The following ZNF143 variants were observed in gnomAD, a reference collection of about 807,000 sequenced individuals.
ZNF143 encodes SPH-binding factor.
ZNF143 carries 49 observed loss-of-function variants against 74.1 expected under a neutral mutation model. That is an observed-to-expected ratio of 0.66 (90% confidence interval 0.53 to 0.84). The LOEUF (loss-of-function observed/expected upper bound fraction) is 0.84. ZNF143 is among the 40% of genes least tolerant of loss of function. ZNF143 has a pLI of 0.00. For synonymous variants in ZNF143, 304 were observed against 282.8 expected, an observed-to-expected ratio of 1.07 and a Z score of -0.75; for missense variants, 637 against 793.4, an observed-to-expected ratio of 0.80 and a Z score of 2.37.
At position 9,528,338 on chromosome 11, in the gene ZNF143, A is replaced by C. The variant is rs1424831547; in HGVS notation, c.*725A>C. The C allele has an allele frequency of 6.6e-6, 1 of 152,216 alleles. No individual in the cohort carries two copies. The highest frequency in any genetic ancestry group is 6.5e-5 in the Admixed American group (1 of 15,278). The allele number at this position is 152,216 out of a possible 1,614,324, so 9.4% of individuals were successfully genotyped here. A position where few individuals can be genotyped will look rare whatever the true frequency, so the allele number is the denominator to read the frequency against. Reference sequence around the variant, plus strand: ...TATTACTGTTTTTTAAAAATAATGAATCATCAAAGTTTAACCACAGGCTGG... The same window carrying C: ...TATTACTGTTTTTTAAAAATAATGACTCATCAAAGTTTAACCACAGGCTGG... On this transcript the variant is annotated 3_prime_UTR_variant, in exon 16 of 16. Coordinates refer to ENST00000396602, the MANE Select transcript of ZNF143 (RefSeq NM_003442.6).
At chr11:9,473,650 C>G in intron 3 of ZNF143, 1 of 637,864 alleles carries the variant, frequency 1.6e-6, no homozygotes, top group Admixed American at 2.9e-5. Context: ...CTAAGTGACT[C>G]TGAAAGGTAT....
At chr11:9,488,255 A>T (rs1168260770) in intron 7 of ZNF143, among the ~76,000 whole-genome samples, 2 of 152,196 alleles carry the variant, frequency 1.3e-5, no homozygotes, top group African/African-American at 4.8e-5. Flanking sequence ...GTCTTGAAAA[A>T]AATTAATTAA....
chr11:9,461,556 C>T (rs1855847264), intron 1 of ZNF143: 1 of 152,160 alleles, frequency 6.6e-6, no homozygotes, highest in Non-Finnish European at 1.5e-5. Context: ...TGGCCCAGGC[C>T]CTCCCAGGAC....
rs1211978029 is a variant in ZNF143, at chr11:9,482,276, CTTTTT to C, written c.645+2738_645+2742del. On this transcript the variant is annotated intron_variant, in intron 7 of 15. Transcript: ENST00000396602. ...TGAGCTACTGTACCCGGCCCCAACT[CTTTTT>C]TTTTTTTAAGACGGTGTCTCGCTCT... 2.1e-5 allele frequency among the ~76,000 whole-genome samples: 2 copies of C among 93,400 alleles called. 1 individual carries two copies. Among genetic ancestry groups the C allele is most frequent in the East Asian group, 6.8e-4 (2 of 2,958 alleles). 61.3% of individuals were successfully genotyped at this position (93,400 alleles called of 152,430 possible).
intron 1 of ZNF143, among the ~76,000 whole-genome samples, chr11:9,462,819 G>T (rs551577358): frequency 1.3e-5 from 2 of 152,264 alleles, no homozygotes; most frequent in African/African-American, 4.8e-5. Context: ...AGGTTGCAGT[G>T]AGCCGAGATT....
At chr11:9,525,551 A>T in intron 15 of ZNF143, 165 bp downstream of exon 15, 1 of 889,538 alleles carries the variant, frequency 1.1e-6, no homozygotes, top group Non-Finnish European at 1.8e-6. Flanking sequence ...TGGACTCAAA[A>T]AGACCAGCAC....
At chr11:9,463,172 C>G (rs1855976551) in intron 1 of ZNF143, among the ~76,000 whole-genome samples, 1 of 152,198 alleles carries the variant, frequency 6.6e-6, no homozygotes, top group Non-Finnish European at 1.5e-5. Context: ...TTTTACTTAT[C>G]CATTCATCTG....
intron 14 of ZNF143, among the ~76,000 whole-genome samples, chr11:9,523,742 T>TATA (rs919612586): frequency 1.3e-5 from 2 of 149,200 alleles, no homozygotes; most frequent in Non-Finnish European, 3.0e-5. Context: ...TCAAAAAATA[T>TATA]ATAATAATAA....
chr11:9,472,360 C>G (rs957489306), intron 2 of ZNF143, among the ~76,000 whole-genome samples: 2 of 152,164 alleles, frequency 1.3e-5, no homozygotes, highest in African/African-American at 4.8e-5. Context: ...TCAAGCGATT[C>G]TTCTGCCTCA....
intron 8 of ZNF143, among the ~76,000 whole-genome samples, 164 bp from the exon 9 acceptor site, chr11:9,496,139 A>T (rs1244598340): frequency 6.6e-6 from 1 of 152,226 alleles, no homozygotes; most frequent in Non-Finnish European, 1.5e-5. Context: ...TTAGGTCTAT[A>T]TTGAGAACTA....
rs535187206 is a variant in ZNF143 at position 9,514,162 on chromosome 11, C to T, written c.1524+1566C>T. 8.5e-5 allele frequency among the ~76,000 whole-genome samples: 13 copies of T among 152,286 alleles called. No homozygotes were observed. The South Asian group carries it at 2.1e-3, about 24-fold the overall frequency. ...ATCCTCCTGCGTCAGCCTCCCAGAG[C>T]GCTGGGATTTCAGGCATAAGCCACC... On this transcript the variant is annotated intron_variant, in intron 13 of 15. Transcript: ENST00000396602.
chr11:9,486,341 TTATATA>T (rs1291569303), intron 7 of ZNF143, among the ~76,000 whole-genome samples: 1 of 82,960 alleles, frequency 1.2e-5, no homozygotes. Context: ...GCTAATTATA[TTATATA>T]TATATTATAT....
chr11:9,480,697 C>A (rs1847199168), intron 7 of ZNF143, among the ~76,000 whole-genome samples: 2 of 151,874 alleles, frequency 1.3e-5, no homozygotes, highest in South Asian at 2.1e-4. Context: ...ACCAACTTGG[C>A]CAACATGGTG....
At chr11:9,526,125 A>G (rs1849118073) in intron 15 of ZNF143, among the ~76,000 whole-genome samples, 2 of 152,054 alleles carry the variant, frequency 1.3e-5, no homozygotes, top group African/African-American at 4.8e-5. Flanking sequence ...CGCCTGGGTA[A>G]CAAATGAGAC....
chr11:9,465,579 A>G (rs529763090), intron 1 of ZNF143, among the ~76,000 whole-genome samples: 1 of 151,004 alleles, frequency 6.6e-6, no homozygotes, highest in Non-Finnish European at 1.5e-5. Context: ...GGCTCTCTGC[A>G]AGCTCTGCCT....
Position 9,508,866 on chromosome 11 carries a change from T to C in ZNF143, c.1375+20T>C, listed in dbSNP as rs1848448788. 6.4e-7 allele frequency: 1 copy of C among 1,553,634 alleles called. No homozygotes were observed. The highest frequency in any genetic ancestry group is 1.4e-5 in the African/African-American group (1 of 73,130). On this transcript the variant is annotated intron_variant, in intron 12 of 15. Transcript: ENST00000396602. The stretch of plus-strand genomic sequence containing the variant: ...CCCCAGGTGAGAGTTTTGTCTACTA[T>C]ATTTTGTTTCTGAGTTTGAGAATCA...
chr11:9,494,652 T>C lies in ZNF143; in HGVS notation c.652T>C (p.Leu218=), dbSNP rs866001032. 1 of 1,613,680 alleles carries C rather than the reference T, an allele frequency of 6.2e-7. No individual in the cohort carries two copies. The highest frequency in any genetic ancestry group is 1.7e-5 in the Admixed American group (1 of 59,980). The change falls in exon 8 of 16, where the codon TTA becomes CTA. Residue 218 remains leucine, a synonymous_variant. Coordinates refer to ENST00000396602, the MANE Select transcript of ZNF143 (RefSeq NM_003442.6). ...TACTATTTGTTTTATTTAGATTGTT[T>C]TACAAGGACATGCTACAAGAGTAAC... is the stretch of plus-strand genomic sequence containing the variant. ...NEQEKKMQIV[L]QGHATRVTAK... is the part of the protein sequence containing the mutation.
At chr11:9,476,906 C>T (rs1463041034) in intron 5 of ZNF143, among the ~76,000 whole-genome samples, 2 of 150,624 alleles carry the variant, frequency 1.3e-5, no homozygotes, top group African/African-American at 4.9e-5. Flanking sequence ...ACTACAGGCA[C>T]CCACCACCAT....
At chr11:9,520,284 C>T (rs1348917318) in intron 14 of ZNF143, among the ~76,000 whole-genome samples, 1 of 150,368 alleles carries the variant, frequency 6.7e-6, no homozygotes, top group African/African-American at 2.4e-5. Context: ...GATCCACCCG[C>T]CTCGGCTTCC....
Sources: gnomAD v4.1 joint callset for allele counts (sites outside exome capture counted in the v4.1 genomes callset) on GRCh38, gnomAD v4.1.1 for gene constraint, MANE v1.5 for transcripts, NCBI Gene and HGNC (gene_info 2026-07-23, HGNC 2026-07-21) for gene names.